The following ZNF407 variants were observed in gnomAD, a reference collection of about 807,000 sequenced individuals.
ZNF407 encodes the protein zinc finger protein 407.
A neutral mutation model predicts 131.2 loss-of-function variants in ZNF407; 17 were observed. That is an observed-to-expected ratio of 0.13 (90% CI 0.09 to 0.19). ZNF407 has a LOEUF of 0.19. Ranked by LOEUF, ZNF407 falls within the 10% of genes least tolerant of loss-of-function variation. The pLI, the probability that ZNF407 is intolerant of heterozygous loss-of-function variation, is 1.00. For synonymous variants in ZNF407, 1,156 were observed against 1,062.0 expected (o/e 1.09, Z -1.72); for missense variants, 2,681 against 2,830.6 (o/e 0.95, Z 1.20).
At chr18:74,609,668 A>G (rs1366483100) in intron 1 of ZNF407, among the ~76,000 whole-genome samples, 3 of 152,234 alleles carry the variant, frequency 2.0e-5, no homozygotes, top group Admixed American at 6.5e-5. Context: ...AGGTTTGCTT[A>G]CACCAGCATC....
chr18:74,767,524 TTTATC>T (rs1191006470), intron 3 of ZNF407, among the ~76,000 whole-genome samples: 1 of 152,134 alleles, frequency 6.6e-6, no homozygotes, highest in African/African-American at 2.4e-5. Context: ...ATGGAAAATA[TTTATC>T]TTAACTCTAA....
intron 3 of ZNF407, among the ~76,000 whole-genome samples, chr18:74,727,554 C>T (rs569518650): frequency 3.3e-5 from 5 of 152,252 alleles, no homozygotes; most frequent in African/African-American, 9.6e-5. Context: ...CACAGGGGCT[C>T]GAATGAAGTC....
Position 74,635,302 on chromosome 18 carries a change from G to A in ZNF407, c.4283G>A (p.Gly1428Glu). The change falls in exon 2 of 9, where the codon GGA becomes GAA. Residue 1428 changes from glycine to glutamate, a missense_variant. Coordinates refer to ENST00000299687, the MANE Select transcript of ZNF407 (RefSeq NM_017757.3). The surrounding 1 kb of genome is among the most constrained non-coding windows in gnomAD (Gnocchi z 4.7). The part of the protein sequence containing the change: ...DCGFLADGLS[G>E]LNVHIAMKHP... ...GGCTTCTTAGCAGATGGACTGAGTG[G>A]ACTGAATGTTCACATAGCCATGAAG... The A allele has an allele frequency of 6.2e-7, 1 of 1,614,020 alleles. No homozygotes were observed. Among genetic ancestry groups the A allele is most frequent in the Non-Finnish European group, 8.5e-7 (1 of 1,179,894 alleles).
chr18:75,003,501 T>C (rs1036999021), intron 8 of ZNF407, among the ~76,000 whole-genome samples: 1 of 152,238 alleles, frequency 6.6e-6, no homozygotes, highest in Non-Finnish European at 1.5e-5. Flanking sequence ...TTTAGGGCAG[T>C]CCCTTCTTTC....
chr18:74,766,708 G>A (rs776095805), intron 3 of ZNF407, among the ~76,000 whole-genome samples: 11 of 152,124 alleles, frequency 7.2e-5, no homozygotes, highest in Non-Finnish European at 1.3e-4. Context: ...TCAACAACAT[G>A]CTAGCCTATT....
Position 74,740,224 on chromosome 18 carries a change from A to G in ZNF407, c.4803-41204A>G, listed in dbSNP as rs113253344. ...GCATTCCCTGGTTTTTCACCTCATC[A>G]TTCCAATTCCCGCTTCTTTGCCATC... On this transcript the variant is annotated intron_variant, in intron 3 of 8. Transcript: ENST00000299687. Among the ~76,000 whole-genome samples the G allele has an allele frequency of 1.6e-3, 238 of 152,194 alleles. 1 individual carries two copies. The highest frequency in any genetic ancestry group is 5.2e-3 in the African/African-American group (217 of 41,522).
chr18:74,933,096 T>A (rs1289331835), intron 8 of ZNF407, among the ~76,000 whole-genome samples: 1 of 152,170 alleles, frequency 6.6e-6, no homozygotes, highest in Non-Finnish European at 1.5e-5. Context: ...TGTACACCCA[T>A]GTTCATAGCA....
Position 75,063,728 on chromosome 18 carries a change from G to A in ZNF407, c.6007G>A (p.Glu2003Lys), listed in dbSNP as rs150419019. ...TGCGGTCACTGAATTAGGGGAGGTG[G>A]AGGGCAGGGCTGGGCTCGAGGAGCA... ...LCAVTELGEV[E>K]GRAGLEEQGR... is the part of the protein sequence containing the mutation. The change falls in exon 9 of 9, where the codon GAG becomes AAG. Residue 2003 changes from glutamate (E) to lysine (K), a missense_variant. Transcript: ENST00000299687. This position sits in a 1 kb window ranked among gnomAD's most constrained non-coding sequence, Gnocchi z 6.6. 9,581 of 1,612,346 alleles carry A rather than the reference G, an allele frequency of 5.9e-3. 65 individuals are homozygous for A. The highest frequency in any genetic ancestry group is 6.2e-3 in the Non-Finnish European group (7,274 of 1,179,772).
At chr18:75,012,954 A>ATTTT in intron 8 of ZNF407, among the ~76,000 whole-genome samples, 1 of 149,894 alleles carries the variant, frequency 6.7e-6, no homozygotes, top group African/African-American at 2.4e-5. Flanking sequence ...CTTTTTTAAA[A>ATTTT]AAAAAAAAAA....
At chr18:74,613,174 T>C (rs1300082314) in intron 1 of ZNF407, among the ~76,000 whole-genome samples, 1 of 152,234 alleles carries the variant, frequency 6.6e-6, no homozygotes, top group Non-Finnish European at 1.5e-5. Context: ...TCATACTTCT[T>C]TGCTTAGGCA....
intron 8 of ZNF407, among the ~76,000 whole-genome samples, chr18:74,978,747 G>A (rs950907777): frequency 6.6e-6 from 1 of 152,048 alleles, no homozygotes; most frequent in African/African-American, 2.4e-5. Flanking sequence ...GCGAAAAATT[G>A]AAGATGAAAA....
At chr18:74,774,908 C>T (rs949212461) in intron 3 of ZNF407, among the ~76,000 whole-genome samples, 1 of 152,072 alleles carries the variant, frequency 6.6e-6, no homozygotes, top group Non-Finnish European at 1.5e-5. Flanking sequence ...AGAAAAAGTA[C>T]GTATTAATAC....
At chr18:74,889,739 C>T (rs761707064) in intron 6 of ZNF407, among the ~76,000 whole-genome samples, 179 bp from the exon 7 acceptor site, 9 of 152,120 alleles carry the variant, frequency 5.9e-5, no homozygotes, top group Non-Finnish European at 1.3e-4. Context: ...TCAATGATAT[C>T]TTCTAATTTT....
intron 4 of ZNF407, among the ~76,000 whole-genome samples, chr18:74,850,356 G>C (rs995954710): frequency 6.6e-6 from 1 of 152,060 alleles, no homozygotes; most frequent in African/African-American, 2.4e-5. Context: ...CTTGAGATGG[G>C]TCACTTCTTC....
intron 8 of ZNF407, among the ~76,000 whole-genome samples, chr18:74,925,875 A>G (rs1971906665): frequency 6.6e-6 from 1 of 152,214 alleles, no homozygotes; most frequent in South Asian, 2.1e-4. Flanking sequence ...AAGCTCATCC[A>G]TAAGTATCAT....
At chr18:74,817,120 G>C (rs1970278101) in intron 4 of ZNF407, among the ~76,000 whole-genome samples, 1 of 152,186 alleles carries the variant, frequency 6.6e-6, no homozygotes, top group African/African-American at 2.4e-5. Context: ...TGCCAGTTTA[G>C]TTGGTAGTGA....
intron 3 of ZNF407, among the ~76,000 whole-genome samples, chr18:74,738,730 C>T (rs1482068097): frequency 1.3e-5 from 2 of 152,058 alleles, no homozygotes; most frequent in African/African-American, 4.8e-5. Context: ...CAGTGTGAGA[C>T]TCTGTCTCAA....
chr18:74,907,267 A>T (rs1971608970), intron 7 of ZNF407, among the ~76,000 whole-genome samples: 2 of 152,206 alleles, frequency 1.3e-5, no homozygotes, highest in African/African-American at 2.4e-5. Context: ...GGAGTGCAGC[A>T]GCTGTCGCTC....
chr18:74,847,308 T>C (rs1185711060), intron 4 of ZNF407, among the ~76,000 whole-genome samples: 1 of 152,210 alleles, frequency 6.6e-6, no homozygotes, highest in African/African-American at 2.4e-5. Flanking sequence ...TAACTCTAAA[T>C]GCATCTCACT....
Sources: allele counts gnomAD v4.1 joint callset (sites outside exome capture counted in the v4.1 genomes callset), GRCh38; gene constraint gnomAD v4.1.1; non-coding constraint Gnocchi (gnomAD v3.1); transcripts MANE v1.5; gene names NCBI Gene and HGNC (gene_info 2026-07-23, HGNC 2026-07-21).